The following CPQ variants were observed in gnomAD, a reference collection of about 807,000 sequenced individuals.
The protein encoded by CPQ is Ser-Met dipeptidase.
A neutral mutation model predicts 45.7 loss-of-function variants in CPQ; 37 were observed. The observed-to-expected ratio is 0.81, with a 90% CI of 0.62 to 1.07. CPQ has a LOEUF of 1.07. Among genes scored for constraint, CPQ ranks in the 50% least tolerant of loss-of-function variants. The pLI is 0.00. For synonymous variants in CPQ, 186 were observed against 205.8 expected (o/e 0.90, Z 0.82); for missense variants, 537 against 572.9 (o/e 0.94, Z 0.64).
intron 2 of CPQ, among the ~76,000 whole-genome samples, chr8:96,801,302 C>T (rs1170245758): frequency 6.6e-6 from 1 of 151,978 alleles, no homozygotes; most frequent in African/African-American, 2.4e-5. Context: ...AACAAAAATC[C>T]ACTCACCTGT....
intron 1 of CPQ, among the ~76,000 whole-genome samples, chr8:96,663,408 G>A (rs1309632421): frequency 9.9e-5 from 15 of 152,182 alleles, no homozygotes; most frequent in Non-Finnish European, 2.1e-4. Context: ...GTCAGCCTTG[G>A]CCTTCCTGAT....
At chr8:96,844,693 T>G (rs186826073) in intron 3 of CPQ, among the ~76,000 whole-genome samples, 167 of 152,306 alleles carry the variant, frequency 1.1e-3, no homozygotes, top group Middle Eastern at 6.8e-3. Context: ...CATCATTAGA[T>G]AGTGATGGGA....
chr8:96,743,171 G>T (rs555615185), intron 1 of CPQ, among the ~76,000 whole-genome samples: 1 of 151,914 alleles, frequency 6.6e-6, no homozygotes, highest in African/African-American at 2.4e-5. Context: ...GGCTTTGCTC[G>T]TTTCTTTTTA....
intron 6 of CPQ, among the ~76,000 whole-genome samples, chr8:97,062,680 G>A (rs1269778238): frequency 6.6e-6 from 1 of 152,058 alleles, no homozygotes; most frequent in East Asian, 1.9e-4. Context: ...ATCTGTCCAT[G>A]TGTTCTCACC....
At chr8:96,843,682 G>C (rs554229102) in intron 3 of CPQ, among the ~76,000 whole-genome samples, 1 of 152,282 alleles carries the variant, frequency 6.6e-6, no homozygotes, top group Non-Finnish European at 1.5e-5. Flanking sequence ...AATAAATAAA[G>C]AGCTGGAAGC....
intron 7 of CPQ, among the ~76,000 whole-genome samples, chr8:97,098,658 ACTCT>A (rs1811250340): frequency 6.6e-6 from 1 of 151,944 alleles, no homozygotes; most frequent in African/African-American, 2.4e-5. Flanking sequence ...CACAAGGAAA[ACTCT>A]CATCCTCTCT....
chr8:96,674,980 G>C (rs1039873201), intron 1 of CPQ, among the ~76,000 whole-genome samples: 1 of 151,848 alleles, frequency 6.6e-6, no homozygotes, highest in African/African-American at 2.4e-5. Flanking sequence ...CCTGTCCCTG[G>C]AACAAAACAA....
intron 7 of CPQ, among the ~76,000 whole-genome samples, chr8:97,119,841 G>A (rs1811667898): frequency 6.6e-6 from 1 of 152,122 alleles, no homozygotes; most frequent in African/African-American, 2.4e-5. Context: ...TACAAGACAT[G>A]AACTTCAGAT....
At chr8:96,776,763 C>T (rs1810610253) in intron 1 of CPQ, among the ~76,000 whole-genome samples, 1 of 152,064 alleles carries the variant, frequency 6.6e-6, no homozygotes, top group Non-Finnish European at 1.5e-5. Flanking sequence ...AAAAGATAAT[C>T]TGTAACTATG....
At chr8:96,854,227 T>G (rs2130862273) in intron 3 of CPQ, among the ~76,000 whole-genome samples, 1 of 152,194 alleles carries the variant, frequency 6.6e-6, no homozygotes, top group East Asian at 1.9e-4. Context: ...TTGTATTGTG[T>G]CTTCCTTTTA....
intron 5 of CPQ, among the ~76,000 whole-genome samples, chr8:96,975,522 C>CA (rs59259565): frequency 0.02 from 2,865 of 142,746 alleles, 103 homozygotes; most frequent in African/African-American, 0.068. Flanking sequence ...GAGGACATAA[C>CA]AAAAAAAAAA....
At chr8:96,736,271 G>A (rs1223458148) in intron 1 of CPQ, among the ~76,000 whole-genome samples, 1 of 152,126 alleles carries the variant, frequency 6.6e-6, no homozygotes, top group Admixed American at 6.5e-5. Context: ...AGGTTCTATG[G>A]TCAGATGCTC....
intron 3 of CPQ, among the ~76,000 whole-genome samples, chr8:96,850,157 T>C (rs1330826216): frequency 2.0e-5 from 3 of 152,214 alleles, no homozygotes; most frequent in African/African-American, 7.2e-5. Context: ...AGTGGTTTTT[T>C]GCTCATTTTG....
chr8:97,126,328 T>A (rs1811847392), intron 7 of CPQ, among the ~76,000 whole-genome samples: 1 of 152,220 alleles, frequency 6.6e-6, no homozygotes, highest in African/African-American at 2.4e-5. Flanking sequence ...GCAGATGTAC[T>A]TACAGAAGTA....
At chr8:96,828,238 T>C (rs1437699536) in intron 2 of CPQ, among the ~76,000 whole-genome samples, 1 of 151,994 alleles carries the variant, frequency 6.6e-6, no homozygotes, top group Non-Finnish European at 1.5e-5. Flanking sequence ...TCCTCCAAGC[T>C]TTTCCTCAAG....
At chr8:97,043,308 C>A (rs1810166958) in intron 6 of CPQ, among the ~76,000 whole-genome samples, 1 of 150,870 alleles carries the variant, frequency 6.6e-6, no homozygotes, top group Non-Finnish European at 1.5e-5. Flanking sequence ...AGGATTGCAA[C>A]CCCTGCCTTT....
At chr8:97,042,847 GAGAC>G in intron 6 of CPQ, among the ~76,000 whole-genome samples, 1 of 152,174 alleles carries the variant, frequency 6.6e-6, no homozygotes, top group Non-Finnish European at 1.5e-5. Context: ...TGTGGTCTGA[GAGAC>G]AGTTTGTTAT....
intron 3 of CPQ, among the ~76,000 whole-genome samples, chr8:96,846,094 A>C (rs904465742): frequency 2.6e-5 from 4 of 152,206 alleles, no homozygotes; most frequent in African/African-American, 9.7e-5. Context: ...CTGGGATTGC[A>C]GGCATGAGCC....
At chr8:96,962,065 A>C (rs950130015) in intron 4 of CPQ, among the ~76,000 whole-genome samples, 4 of 152,124 alleles carry the variant, frequency 2.6e-5, no homozygotes. Context: ...AGGTGGATGT[A>C]TGCCGTTGTC....
Sources: allele counts gnomAD v4.1 joint callset (sites outside exome capture counted in the v4.1 genomes callset), GRCh38; gene constraint gnomAD v4.1.1; transcripts MANE v1.5; gene names NCBI Gene and HGNC (gene_info 2026-07-23, HGNC 2026-07-21).